Variants in PTPRA observed in about 807,000 individuals in gnomAD.
PTPRA encodes the protein protein tyrosine phosphatase receptor type A, also known as receptor-type tyrosine-protein phosphatase alpha.
A neutral mutation model predicts 104.8 loss-of-function variants in PTPRA; 25 were observed. That is an observed-to-expected ratio of 0.24 (90% confidence interval 0.17 to 0.33). PTPRA has a LOEUF of 0.33. Among genes scored for constraint, PTPRA ranks in the 10% least tolerant of loss-of-function variants. The pLI is 1.00. For missense variants in PTPRA, 765 were observed against 1,015.3 expected, an observed-to-expected ratio of 0.75 and a Z score of 3.35; for synonymous variants, 323 against 368.9, an observed-to-expected ratio of 0.88 and a Z score of 1.43.
chr20:2,982,958 A>T lies in PTPRA; in HGVS notation c.443-3807A>T, dbSNP rs144640652. ...CATGATCTGCCCACCTCGGCTTCCC[A>T]AAGTGCTGGGATTGCAGGCGTGAGC... On this transcript the variant is annotated intron_variant, in intron 6 of 23. Transcript: ENST00000399903. Among the ~76,000 whole-genome samples the T allele has an allele frequency of 4.9e-3, 740 of 152,284 alleles. 5 individuals carry two copies. The highest frequency in any genetic ancestry group is 0.017 in the African/African-American group (686 of 41,566).
intron 22 of PTPRA, 108 bp downstream of exon 22, chr20:3,036,049 T>C (rs1240111052): frequency 1.7e-5 from 27 of 1,550,668 alleles, no homozygotes; most frequent in Middle Eastern, 4.7e-4. Flanking sequence ...GAGCAAGATA[T>C]TGGTGAGCAC....
intron 6 of PTPRA, among the ~76,000 whole-genome samples, chr20:2,979,891 GT>G (rs944121728): frequency 6.6e-6 from 1 of 150,930 alleles, no homozygotes. Flanking sequence ...TCATGTTGGT[GT>G]TTTTTTGTTT....
In PTPRA at chr20:3,037,424, G is replaced by A. The variant is rs370292372; in HGVS notation, c.2334+135G>A. On this transcript the variant is annotated intron_variant, in intron 23 of 23. Coordinates refer to ENST00000399903, the MANE Select transcript of PTPRA (RefSeq NM_001385305.1). The surrounding 1 kb of genome is among the most constrained non-coding windows in gnomAD (Gnocchi z 4.3). Reference sequence around the variant, plus strand: ...AGACCTGCCCTTGCCCTCCCAAGGTGCCCCAAATACACAGGAAACATTGGG... The same window carrying A: ...AGACCTGCCCTTGCCCTCCCAAGGTACCCCAAATACACAGGAAACATTGGG... 574 of 1,372,572 alleles carry A rather than the reference G, an allele frequency of 4.2e-4. 10 individuals carry two copies. In the South Asian group the frequency reaches 7.4e-3, roughly 18 times the overall value. 85.0% of individuals were successfully genotyped at this position (1,372,572 alleles called of 1,614,324 possible).
upstream of PTPRA, chr20:2,873,413 C>G (rs1319887759): frequency 3.3e-5 from 5 of 152,162 alleles, no homozygotes; most frequent in East Asian, 9.7e-4. This position sits in a 1 kb window ranked among gnomAD's most constrained non-coding sequence, Gnocchi z 4.4. Context: ...CGGAGACGCC[C>G]GTTCGCTGTC....
the PTPRA span, chr20:2,864,440 T>C: frequency 3.1e-6 from 5 of 1,614,176 alleles, no homozygotes. This position sits in a 1 kb window ranked among gnomAD's most constrained non-coding sequence, Gnocchi z 5.2. Context: ...AATCAGCCCA[T>C]GGCCCTCAGT....
At position 3,037,115 on chromosome 20, in the gene PTPRA, G is replaced by C. The variant is rs1183158686; in HGVS notation, c.2199-39G>C. The C allele has an allele frequency of 1.2e-6, 2 of 1,605,818 alleles. No individual in the cohort carries two copies. Among genetic ancestry groups the C allele is most frequent in the African/African-American group, 2.7e-5 (2 of 74,838 alleles). On this transcript the variant is annotated intron_variant, in intron 22 of 23. Transcript: ENST00000399903. The surrounding 1 kb of genome is among the most constrained non-coding windows in gnomAD (Gnocchi z 4.3). ...TGTCACTCACCCCCTTGCACAGAGGGCCATCACAGGTGTGGTAAATGTGTC... is the reference window on the plus strand; with the variant it reads ...TGTCACTCACCCCCTTGCACAGAGGCCCATCACAGGTGTGGTAAATGTGTC...
chr20:2,870,936 G>T (rs974824580), upstream of PTPRA, among the ~76,000 whole-genome samples: 3 of 152,268 alleles, frequency 2.0e-5, no homozygotes, highest in South Asian at 4.1e-4. Context: ...TCTCTTCCAG[G>T]ATAACCCTTT....
chr20:2,937,023 A>G (rs1478324824), intron 2 of PTPRA, among the ~76,000 whole-genome samples: 1 of 152,012 alleles, frequency 6.6e-6, no homozygotes, highest in Non-Finnish European at 1.5e-5. Context: ...ATATATATGT[A>G]GATAACTTAT....
At chr20:2,867,072 G>A in the PTPRA span, among the ~76,000 whole-genome samples, 1 of 152,236 alleles carries the variant, frequency 6.6e-6, no homozygotes, top group Non-Finnish European at 1.5e-5. Context: ...TGACAGCCCT[G>A]TGAGGTAACA....
In PTPRA at chr20:2,988,376, A is replaced by G. The variant is rs1335269469; in HGVS notation, c.640A>G (p.Thr214Ala). The stretch of plus-strand genomic sequence containing the variant: ...GCCACTTCTGGCCAGATCCCCAAGC[A>G]CCAACAGGAAATACCCACCCCTGCC... ...SVPLLARSPS[T>A]NRKYPPLPVD... Residue 214 changes from threonine to alanine, a missense_variant, in exon 9 of 24, where the codon ACC becomes GCC. Physicochemically the swap from Thr to Ala is moderately conservative, Grantham distance 58 (BLOSUM62 0). Around this residue, in one of 4 missense-constraint regions of PTPRA, gnomAD observed 245 missense variants for 398.7 expected, o/e 0.61. Coordinates refer to ENST00000399903, the MANE Select transcript of PTPRA (RefSeq NM_001385305.1). The G allele has an allele frequency of 6.2e-7, 1 of 1,610,692 alleles. No homozygotes were observed. Among genetic ancestry groups the G allele is most frequent in the Non-Finnish European group, 8.5e-7 (1 of 1,179,310 alleles).
intron 1 of PTPRA, among the ~76,000 whole-genome samples, chr20:2,880,428 A>G (rs2089982451): frequency 6.6e-6 from 1 of 152,208 alleles, no homozygotes; most frequent in Admixed American, 6.5e-5. Context: ...ATATTTATAC[A>G]TTTGTTCTCC....
chr20:2,877,199 T>G (rs945385973), intron 1 of PTPRA, among the ~76,000 whole-genome samples: 7 of 152,226 alleles, frequency 4.6e-5, no homozygotes, highest in African/African-American at 1.7e-4. Flanking sequence ...TCATTTTACT[T>G]CCAGTGCAAT....
In PTPRA at chr20:3,003,586, T is replaced by C. The variant is rs370228640; in HGVS notation, c.739-1470T>C. Among the ~76,000 whole-genome samples the C allele has an allele frequency of 1.1e-4, 17 of 152,236 alleles. No individual in the cohort carries two copies. In the South Asian group the frequency reaches 3.5e-3, roughly 32 times the overall value. On this transcript the variant is annotated intron_variant, in intron 9 of 23. Transcript: ENST00000399903. Reference sequence around the variant, plus strand: ...TAGTGTCAGAGTCTCACTGTGTCACTCAGGCTGGAGTGCAGTGGTATAATC... The same window carrying C: ...TAGTGTCAGAGTCTCACTGTGTCACCCAGGCTGGAGTGCAGTGGTATAATC...
chr20:2,998,161 G>A (rs2063477108), intron 9 of PTPRA, among the ~76,000 whole-genome samples: 1 of 136,040 alleles, frequency 7.4e-6, no homozygotes, highest in South Asian at 2.5e-4. Flanking sequence ...CTGGCTACCA[G>A]AGTGAGACTC....
At chr20:3,028,561 C>T (rs1049504355) in intron 20 of PTPRA, among the ~76,000 whole-genome samples, 5 of 152,230 alleles carry the variant, frequency 3.3e-5, no homozygotes, top group Non-Finnish European at 1.5e-5. Flanking sequence ...CCTCACCCCC[C>T]ACATTATGGG....
At chr20:2,949,690 G>C (rs973848341) in intron 3 of PTPRA, among the ~76,000 whole-genome samples, 1 of 150,580 alleles carries the variant, frequency 6.6e-6, no homozygotes, top group Admixed American at 6.6e-5. Flanking sequence ...AATGCTTTCC[G>C]TTTCTCTCTG....
At chr20:2,940,595 T>C (rs937702939) in intron 2 of PTPRA, among the ~76,000 whole-genome samples, 1 of 152,192 alleles carries the variant, frequency 6.6e-6, no homozygotes, top group African/African-American at 2.4e-5. Context: ...AGGTCTCACT[T>C]TGTCACTGAG....
chr20:2,984,837 G>A (rs745560732), intron 6 of PTPRA, among the ~76,000 whole-genome samples: 1 of 152,046 alleles, frequency 6.6e-6, no homozygotes, highest in Non-Finnish European at 1.5e-5. Context: ...AGATCTTTGC[G>A]TGGTTCACTT....
intron 1 of PTPRA, among the ~76,000 whole-genome samples, chr20:2,875,892 T>C (rs1013615010): frequency 5.9e-5 from 9 of 152,238 alleles, no homozygotes; most frequent in East Asian, 1.9e-4. Flanking sequence ...CTTCGGATCA[T>C]GAAGGATGCA....
Sources: allele counts gnomAD v4.1 joint callset (sites outside exome capture counted in the v4.1 genomes callset), GRCh38; gene constraint gnomAD v4.1.1; regional missense constraint gnomAD v4.1.1; non-coding constraint Gnocchi (gnomAD v3.1); transcripts MANE v1.5; gene names NCBI Gene and HGNC (gene_info 2026-07-23, HGNC 2026-07-21).